HTT: variants seen among roughly 807,000 people sequenced by gnomAD.
HTT encodes the protein huntingtin, also known as huntington disease protein.
In HTT, 104 loss-of-function variants were observed where a neutral mutation model predicts 362.3. That is an observed-to-expected ratio of 0.29 (90% confidence interval 0.24 to 0.34). The LOEUF is 0.34. HTT is among the 10% of genes least tolerant of loss of function. The pLI, the probability that HTT is intolerant of heterozygous loss-of-function variation, is 1.00. For synonymous variants in HTT, 1,577 were observed against 1,548.7 expected, an observed-to-expected ratio of 1.02 and a Z score of -0.43; for missense variants, 3,301 against 3,928.6, an observed-to-expected ratio of 0.84 and a Z score of 4.27.
chr4:3,103,377 A>G (rs1326157497), intron 3 of HTT, among the ~76,000 whole-genome samples: 1 of 151,120 alleles, frequency 6.6e-6, no homozygotes, highest in African/African-American at 2.4e-5. Flanking sequence ...GGCGCCCACC[A>G]CCACACCCGG....
intron 42 of HTT, among the ~76,000 whole-genome samples, chr4:3,205,748 C>G (rs1055742747): frequency 7.9e-5 from 12 of 152,112 alleles, no homozygotes; most frequent in Non-Finnish European, 1.3e-4. Flanking sequence ...ATTCAGAATA[C>G]TTCTGATCCC....
rs908143990 is a variant in HTT, at chr4:3,127,532, C to T, written c.1671C>T (p.Pro557=). The change falls in exon 12 of 67, where the codon CCC becomes CCT. Residue 557 remains proline, a synonymous_variant. Coordinates refer to ENST00000355072, the MANE Select transcript of HTT (RefSeq NM_001388492.1). ...ATGATGGGACCCAGGCCTCGTCGCC[C>T]ATCAGCGACAGCTCCCAGACCACCA... ...DLNDGTQASS[P]ISDSSQTTTE... 8.1e-6 allele frequency: 13 copies of T among 1,614,038 alleles called. No individual in the cohort carries two copies. Among genetic ancestry groups the T allele is most frequent in the African/African-American group, 8.0e-5 (6 of 74,930 alleles).
At chr4:3,195,817 A>G (rs540281184) in intron 40 of HTT, among the ~76,000 whole-genome samples, 1 of 152,266 alleles carries the variant, frequency 6.6e-6, no homozygotes, top group East Asian at 1.9e-4. Context: ...TCTGTTCTCC[A>G]GGCCTTCACA....
chr4:3,188,777 G>T, intron 39 of HTT, 174 bp from the exon 40 acceptor site: 1 of 605,450 alleles, frequency 1.7e-6, no homozygotes, highest in Non-Finnish European at 2.9e-6. Flanking sequence ...GTGATACACA[G>T]AGAGACCAAG....
At chr4:3,100,146 A>G (rs769491822) in intron 3 of HTT, among the ~76,000 whole-genome samples, 1 of 152,204 alleles carries the variant, frequency 6.6e-6, no homozygotes, top group African/African-American at 2.4e-5. Context: ...GCTATGCCCA[A>G]ATTTCTATGA....
chr4:3,122,943 A>G lies in HTT; in HGVS notation c.1321+7A>G, dbSNP rs759555963. The stretch of plus-strand genomic sequence containing the variant: ...CTTTCAAGAAAACAAAAAGGTGATT[A>G]TTTCAGAAATCAGAGTCTTGTGTTG... On this transcript the variant is annotated splice_region_variant and intron_variant, in intron 10 of 66. Coordinates refer to ENST00000355072, the MANE Select transcript of HTT (RefSeq NM_001388492.1). 4 of 1,607,482 alleles carry G rather than the reference A, an allele frequency of 2.5e-6. No homozygotes were observed. Among genetic ancestry groups the G allele is most frequent in the Non-Finnish European group, 3.4e-6 (4 of 1,175,692 alleles).
rs556972377 is a variant in HTT, at chr4:3,209,713, C to T, written c.6292-114C>T. On this transcript the variant is annotated intron_variant, in intron 46 of 66. Transcript: ENST00000355072. ...AGCCACAGCCTGCCGGCCGGCAGCC[C>T]TCTCAGCCTAGTGCGGTGTTCCCAA... 7.8e-5 allele frequency: 103 copies of T among 1,323,290 alleles called. No individual in the cohort carries two copies. The African/African-American group carries it at 1.4e-3, about 17-fold the overall frequency. 82.0% of individuals were successfully genotyped at this position (1,323,290 alleles called of 1,614,324 possible).
rs369197307 is a variant in HTT, at chr4:3,145,157, A to G, written c.3072A>G (p.Gly1024=). 13 of 1,612,722 alleles carry G rather than the reference A, an allele frequency of 8.1e-6. No individual in the cohort carries two copies. Among genetic ancestry groups the G allele is most frequent in the Non-Finnish European group, 8.5e-6 (10 of 1,178,908 alleles). ...TATTGTTTCTTTCTTCTCAGTTTGG[A>G]TGCTGTGAAGCTTTGTGTCTTCTTT... ...ITSTTRALTF[G]CCEALCLLST... is the part of the protein sequence containing the mutation. Residue 1024 remains glycine (G), a synonymous_variant, in exon 24 of 67, where the codon GGA becomes GGG. Coordinates refer to ENST00000355072, the MANE Select transcript of HTT (RefSeq NM_001388492.1).
chr4:3,087,882 C>A (rs1713295986), intron 2 of HTT, among the ~76,000 whole-genome samples: 1 of 152,012 alleles, frequency 6.6e-6, no homozygotes. Context: ...CGGAGTTTCA[C>A]TCTTGTTGCC....
intron 29 of HTT, among the ~76,000 whole-genome samples, chr4:3,161,608 G>A (rs1717450019): frequency 6.6e-6 from 1 of 152,254 alleles, no homozygotes; most frequent in Admixed American, 6.5e-5. Context: ...TTTAACGATC[G>A]CCATCCTAAC....
intron 40 of HTT, among the ~76,000 whole-genome samples, chr4:3,189,992 G>A (rs1040627453): frequency 2.0e-5 from 3 of 152,048 alleles, no homozygotes; most frequent in African/African-American, 4.8e-5. Context: ...CTCCAGCCTC[G>A]GCTATAGAGT....
At chr4:3,172,870 C>T (rs1212241146) in intron 30 of HTT, 38 bp from the exon 31 acceptor site, 3 of 1,367,624 alleles carry the variant, frequency 2.2e-6, no homozygotes, top group Admixed American at 1.7e-5. Context: ...AAGTGTTGTT[C>T]ACGCCACATT....
rs199843834 is a variant in HTT, at chr4:3,175,048, G to A, written c.4348G>A (p.Asp1450Asn). 46 of 1,614,056 alleles carry A rather than the reference G, an allele frequency of 2.8e-5. No homozygotes were observed. The African/African-American group carries it at 6.0e-4, about 21-fold the overall frequency. The stretch of plus-strand genomic sequence containing the variant: ...TGTGCAGTTACAGAAGCAGGTTTTA[G>A]ATTTGCTGGCGCAGCTGGTTCAGTT... ...TCVQLQKQVL[D>N]LLAQLVQLRV... The change falls in exon 33 of 67, where the codon GAT (aspartate) becomes AAT (asparagine). Residue 1450 changes from aspartate (D) to asparagine (N), a missense_variant. Around this residue, in one of 4 missense-constraint regions of HTT, gnomAD observed 2,316 missense variants for 2,658.5 expected, o/e 0.87. Coordinates refer to ENST00000355072, the MANE Select transcript of HTT (RefSeq NM_001388492.1).
Position 3,208,768 on chromosome 4 carries a change from T to C in HTT, c.6153-5T>C. ...ACTGTAATTTCATTTTTATTTGTAT[T>C]TTAGACACCAAAGGCTCTATTCCCT... On this transcript the variant is annotated splice_polypyrimidine_tract_variant and splice_region_variant and intron_variant, in intron 45 of 66. Coordinates refer to ENST00000355072, the MANE Select transcript of HTT (RefSeq NM_001388492.1). The C allele has an allele frequency of 6.3e-7, 1 of 1,590,608 alleles. No homozygotes were observed.
chr4:3,235,666 C>A lies in HTT; in HGVS notation c.8673C>A (p.Leu2891=), dbSNP rs781175874. The A allele has an allele frequency of 1.2e-6, 2 of 1,613,708 alleles. No individual in the cohort carries two copies. The highest frequency in any genetic ancestry group is 3.3e-5 in the Admixed American group (2 of 60,024). ...AGCGCCTCCTGCTCTCTGAGCAGCT[C>A]TCCCGCCTGGATGCAGAATCGCTGG... ...GLERLLLSEQ[L]SRLDAESLVK... The change falls in exon 63 of 67, where the codon CTC becomes CTA. Residue 2891 remains leucine (L), a synonymous_variant. Coordinates refer to ENST00000355072, the MANE Select transcript of HTT (RefSeq NM_001388492.1).
At chr4:3,231,960 A>G (rs1269435017) in intron 60 of HTT, among the ~76,000 whole-genome samples, 1 of 152,198 alleles carries the variant, frequency 6.6e-6, no homozygotes, top group African/African-American at 2.4e-5. Context: ...TGCTTTCTGG[A>G]AGATGGCCAT....
intron 3 of HTT, among the ~76,000 whole-genome samples, chr4:3,102,632 A>G (rs1560547847): frequency 6.6e-6 from 1 of 152,204 alleles, no homozygotes; most frequent in Non-Finnish European, 1.5e-5. Flanking sequence ...TACGAAGACC[A>G]TCTCAGTCCA....
chr4:3,161,491 C>T (rs765862883), intron 29 of HTT, among the ~76,000 whole-genome samples: 7 of 152,196 alleles, frequency 4.6e-5, no homozygotes, highest in East Asian at 3.8e-4. Context: ...TTTGAGGAAT[C>T]GCCAGACTGT....
chr4:3,100,066 A>G (rs1045288532), intron 3 of HTT, among the ~76,000 whole-genome samples: 3 of 152,234 alleles, frequency 2.0e-5, no homozygotes. Flanking sequence ...GCCTAGGTCA[A>G]TGAAGGGAAC....
Sources: allele counts gnomAD v4.1 joint callset (sites outside exome capture counted in the v4.1 genomes callset), GRCh38; gene constraint gnomAD v4.1.1; regional missense constraint gnomAD v4.1.1; transcripts MANE v1.5; gene names NCBI Gene and HGNC (gene_info 2026-07-23, HGNC 2026-07-21).